Variants in CADM2 observed in about 807,000 individuals in gnomAD.
CADM2 encodes immunoglobulin superfamily member 4D.
A neutral mutation model predicts 49.8 loss-of-function variants in CADM2; 12 were observed. That is an observed-to-expected ratio of 0.24 (90% CI 0.15 to 0.39). The LOEUF (loss-of-function observed/expected upper bound fraction) is 0.39, where lower values mean the gene tolerates loss of function less well. CADM2 is among the 10% of genes least tolerant of loss of function. CADM2 has a pLI of 1.00. For missense variants in CADM2, 378 were observed against 492.3 expected (o/e 0.77, Z 2.20); for synonymous variants, 214 against 175.4 (o/e 1.22, Z -1.74).
chr3:85,851,592 A>G (rs1371747085), intron 3 of CADM2, among the ~76,000 whole-genome samples: 1 of 150,456 alleles, frequency 6.6e-6, no homozygotes, highest in Non-Finnish European at 1.5e-5. Context: ...AGCACAGCTT[A>G]ATATAAATTT....
intron 1 of CADM2, among the ~76,000 whole-genome samples, chr3:85,050,214 T>G (rs2107402066): frequency 6.6e-6 from 1 of 152,138 alleles, no homozygotes; most frequent in Middle Eastern, 3.4e-3. Context: ...CAGAGGCTGC[T>G]TAAGGCTAAA....
chr3:85,287,900 G>C lies in CADM2; in HGVS notation c.61+328232G>C, dbSNP rs2043674702. ...CTTATAGGTGGAAACTGAACAATGA[G>C]AACACATGGACACAGGAAGGGGAAC... On this transcript the variant is annotated intron_variant, in intron 1 of 9. Transcript: ENST00000383699. Among the ~76,000 whole-genome samples, 2 of 146,678 alleles carry C rather than the reference G, an allele frequency of 1.4e-5. 1 individual carries two copies. Among genetic ancestry groups the C allele is most frequent in the South Asian group, 4.5e-4 (2 of 4,460 alleles).
intron 5 of CADM2, among the ~76,000 whole-genome samples, chr3:85,910,112 C>T (rs943055384): frequency 2.0e-5 from 3 of 152,104 alleles, no homozygotes; most frequent in African/African-American, 7.2e-5. Flanking sequence ...ATTAATATTA[C>T]ATTAAATGCT....
chr3:85,010,468 G>A (rs17022281), intron 1 of CADM2, among the ~76,000 whole-genome samples: 7,514 of 152,208 alleles, frequency 0.049, 222 homozygotes, highest in East Asian at 0.1. Flanking sequence ...CAAGGGCTAA[G>A]AGCACTTCTA....
chr3:85,468,022 C>T (rs1161713938), intron 1 of CADM2, among the ~76,000 whole-genome samples: 1 of 151,258 alleles, frequency 6.6e-6, no homozygotes, highest in African/African-American at 2.4e-5. Flanking sequence ...GGCGCAGTGG[C>T]GGGCGCCTGT....
chr3:85,439,705 A>G (rs899638640), intron 1 of CADM2, among the ~76,000 whole-genome samples: 2 of 151,948 alleles, frequency 1.3e-5, no homozygotes, highest in African/African-American at 4.8e-5. Flanking sequence ...TCCCCCTAAA[A>G]TTTCCATGGA....
At chr3:85,882,237 G>T (rs189237727) in intron 3 of CADM2, among the ~76,000 whole-genome samples, 1 of 150,848 alleles carries the variant, frequency 6.6e-6, no homozygotes, top group Non-Finnish European at 1.5e-5. Flanking sequence ...TCTAGATGGA[G>T]AGGGGAAGTC....
intron 1 of CADM2, among the ~76,000 whole-genome samples, chr3:85,204,330 CT>C (rs2041579447): frequency 6.6e-6 from 1 of 151,994 alleles, no homozygotes; most frequent in Non-Finnish European, 1.5e-5. Flanking sequence ...TCCTATTTGA[CT>C]ATTTGTTACT....
intron 8 of CADM2, among the ~76,000 whole-genome samples, chr3:85,965,037 T>C (rs1038695672): frequency 2.0e-5 from 3 of 151,556 alleles, no homozygotes; most frequent in Admixed American, 1.3e-4. Context: ...AATAGATATA[T>C]AGTACTTATC....
intron 3 of CADM2, among the ~76,000 whole-genome samples, chr3:85,874,147 T>G (rs906533605): frequency 1.3e-5 from 2 of 152,184 alleles, no homozygotes; most frequent in East Asian, 3.8e-4. Context: ...TCTAAGAAGT[T>G]GTTTATTTCA....
chr3:86,038,838 G>A (rs961479813), intron 8 of CADM2, among the ~76,000 whole-genome samples: 1 of 152,066 alleles, frequency 6.6e-6, no homozygotes, highest in Non-Finnish European at 1.5e-5. Context: ...GATTTTCCTA[G>A]GAATGTACTG....
chr3:85,386,661 C>T (rs1483412606), intron 1 of CADM2, among the ~76,000 whole-genome samples: 1 of 152,088 alleles, frequency 6.6e-6, no homozygotes, highest in East Asian at 1.9e-4. Flanking sequence ...TGACTAGAGA[C>T]TGAAATACTT....
At chr3:86,003,505 G>C (rs1192171739) in intron 8 of CADM2, among the ~76,000 whole-genome samples, 1 of 152,130 alleles carries the variant, frequency 6.6e-6, no homozygotes, top group Non-Finnish European at 1.5e-5. Flanking sequence ...CTACCTCATA[G>C]AATTGCTGTG....
chr3:84,964,210 A>C (rs2030796535), intron 1 of CADM2, among the ~76,000 whole-genome samples: 1 of 152,204 alleles, frequency 6.6e-6, no homozygotes, highest in South Asian at 2.1e-4. Context: ...TAGTGGTAGA[A>C]TGTCATTTTT....
At chr3:85,613,709 C>T (rs1168292769) in intron 1 of CADM2, among the ~76,000 whole-genome samples, 2 of 151,358 alleles carry the variant, frequency 1.3e-5, no homozygotes, top group Non-Finnish European at 3.0e-5. Context: ...GAAATGGTAG[C>T]TAACTCAAAA....
intron 1 of CADM2, among the ~76,000 whole-genome samples, chr3:85,488,029 T>A (rs2039502557): frequency 6.6e-6 from 1 of 152,150 alleles, no homozygotes; most frequent in Admixed American, 6.6e-5. Context: ...ACCCAGAATA[T>A]CATCAATATA....
intron 1 of CADM2, among the ~76,000 whole-genome samples, chr3:85,719,396 A>G (rs2067418317): frequency 6.6e-6 from 1 of 152,194 alleles, no homozygotes; most frequent in African/African-American, 2.4e-5. Flanking sequence ...CAAAAATTCA[A>G]GGAAAACTCC....
chr3:86,015,800 G>C (rs1299102909), intron 8 of CADM2, among the ~76,000 whole-genome samples: 2 of 152,120 alleles, frequency 1.3e-5, no homozygotes, highest in Non-Finnish European at 2.9e-5. Context: ...TCATGGTTAA[G>C]ACGGAATCAG....
At chr3:85,594,831 G>C (rs1184821982) in intron 1 of CADM2, among the ~76,000 whole-genome samples, 1 of 151,910 alleles carries the variant, frequency 6.6e-6, no homozygotes, top group African/African-American at 2.4e-5. Flanking sequence ...ATAACCTGGG[G>C]CTATGGGTTC....
Sources: allele counts gnomAD v4.1 joint callset (sites outside exome capture counted in the v4.1 genomes callset), GRCh38; gene constraint gnomAD v4.1.1; transcripts MANE v1.5; gene names NCBI Gene and HGNC (gene_info 2026-07-23, HGNC 2026-07-21).